Variants in SYN3 observed in about 807,000 individuals in gnomAD.
SYN3 encodes the protein synapsin III, also known as synapsin-3.
In SYN3, 35 loss-of-function variants were observed where a neutral mutation model predicts 65.8. The ratio of observed to expected loss-of-function variants is 0.53; its 90% CI spans 0.41 to 0.70. The LOEUF (loss-of-function observed/expected upper bound fraction) is 0.70, where lower values mean the gene tolerates loss of function less well. Among genes scored for constraint, SYN3 ranks in the 30% least tolerant of loss-of-function variants. SYN3 has a pLI of 0.00. For synonymous variants in SYN3, 270 were observed against 292.9 expected, an observed-to-expected ratio of 0.92 and a Z score of 0.80; for missense variants, 680 against 749.0, an observed-to-expected ratio of 0.91 and a Z score of 1.08.
chr22:32,852,398 G>A (rs563274044), intron 6 of SYN3, among the ~76,000 whole-genome samples: 2 of 152,280 alleles, frequency 1.3e-5, no homozygotes, highest in South Asian at 4.2e-4. Context: ...GCAGTGTAGG[G>A]CTGGACTTGT....
At position 32,634,645 on chromosome 22, in the gene SYN3, C is replaced by T. The variant is rs142208009; in HGVS notation, c.712-37909G>A. On this transcript the variant is annotated intron_variant, in intron 6 of 13. Transcript: ENST00000358763. ...TCCTTGTTTTTTGTTCACGCTGTTC[C>T]CCTTTTGTCCTCTTCCTCATCTAAC... 5.8e-3 allele frequency among the ~76,000 whole-genome samples: 877 copies of T among 152,288 alleles called. 5 individuals carry two copies. The highest frequency in any genetic ancestry group is 0.012 in the Admixed American group (184 of 15,302).
chr22:33,028,764 A>G (rs133972), intron 1 of SYN3, among the ~76,000 whole-genome samples: 102,172 of 151,086 alleles, frequency 0.68, 35,223 homozygotes, highest in African/African-American at 0.76. Flanking sequence ...CACTGTGGCC[A>G]GCACGGTGGC....
At chr22:32,779,833 A>G (rs2045990624) in intron 6 of SYN3, among the ~76,000 whole-genome samples, 1 of 152,162 alleles carries the variant, frequency 6.6e-6, no homozygotes, top group African/African-American at 2.4e-5. Context: ...TCAAGGGTCC[A>G]GGTTGGGCAA....
rs530981676 is a variant in SYN3 at position 32,598,027 on chromosome 22, T to C, written c.712-1291A>G. Among the ~76,000 whole-genome samples, 11 of 152,328 alleles carry C rather than the reference T, an allele frequency of 7.2e-5. No homozygotes were observed. In the East Asian group the frequency reaches 2.1e-3, roughly 29 times the overall value. ...TGATTTCTAGAAGAACATTTTGCATTGCGTGAGGGCAAAGGTTATCCCTCC... is the reference window on the plus strand; with the variant it reads ...TGATTTCTAGAAGAACATTTTGCATCGCGTGAGGGCAAAGGTTATCCCTCC... On this transcript the variant is annotated intron_variant, in intron 6 of 13. Coordinates refer to ENST00000358763, the MANE Select transcript of SYN3 (RefSeq NM_003490.4).
chr22:32,715,653 G>A (rs946359927), intron 6 of SYN3, among the ~76,000 whole-genome samples: 3 of 151,898 alleles, frequency 2.0e-5, no homozygotes, highest in Admixed American at 6.6e-5. Flanking sequence ...GGTGGCGGGC[G>A]CCTGTAATCC....
Position 32,541,614 on chromosome 22 carries a change from C to A in SYN3, c.874G>T (p.Asp292Tyr). Residue 292 changes from aspartate to tyrosine, a missense_variant, in exon 8 of 14, where the codon GAC becomes TAC. Coordinates refer to ENST00000358763, the MANE Select transcript of SYN3 (RefSeq NM_003490.4). ...GATCCAATTTTCTGGATGCGGATGTCGTACTTGGAGTCGATGAAGGCCTCG... is the reference window on the plus strand; with the variant it reads ...GATCCAATTTTCTGGATGCGGATGTAGTACTTGGAGTCGATGAAGGCCTCG... Reference protein sequence around the residue: ...TTEAFIDSKYDIRIQKIGSNY... With the variant: ...TTEAFIDSKYYIRIQKIGSNY... The A allele has an allele frequency of 6.2e-7, 1 of 1,614,022 alleles. No individual in the cohort carries two copies. Among genetic ancestry groups the A allele is most frequent in the Non-Finnish European group, 8.5e-7 (1 of 1,180,006 alleles).
In SYN3 at chr22:32,605,710, A is replaced by G. The variant is rs60458386; in HGVS notation, c.712-8974T>C. Reference sequence around the variant, plus strand: ...TGCATGGTGCCGCCTCTGGACAACTATGATCATCCAGTGCTTCCCCTGCAC... The same window carrying G: ...TGCATGGTGCCGCCTCTGGACAACTGTGATCATCCAGTGCTTCCCCTGCAC... On this transcript the variant is annotated intron_variant, in intron 6 of 13. Transcript: ENST00000358763. 4.4e-3 allele frequency among the ~76,000 whole-genome samples: 668 copies of G among 152,304 alleles called. 4 individuals are homozygous for G. The highest frequency in any genetic ancestry group is 0.015 in the African/African-American group (638 of 41,574).
intron 6 of SYN3, among the ~76,000 whole-genome samples, chr22:32,806,601 C>T (rs942831374): frequency 3.9e-5 from 6 of 152,136 alleles, no homozygotes; most frequent in Non-Finnish European, 8.8e-5. Context: ...GCTGTGTGTG[C>T]CTAGGCACAT....
intron 6 of SYN3, among the ~76,000 whole-genome samples, chr22:32,829,810 C>T (rs2047521958): frequency 1.3e-5 from 2 of 152,234 alleles, no homozygotes; most frequent in African/African-American, 4.8e-5. Flanking sequence ...GCGGGCTTCA[C>T]CATGCACTCT....
At chr22:32,542,474 T>G (rs553162802) in intron 7 of SYN3, among the ~76,000 whole-genome samples, 5 of 151,542 alleles carry the variant, frequency 3.3e-5, no homozygotes, top group Admixed American at 2.0e-4. Context: ...GTGTGTGTGG[T>G]GAGTTTGCTG....
At chr22:32,888,994 G>A (rs2049369166) in intron 4 of SYN3, among the ~76,000 whole-genome samples, 3 of 152,180 alleles carry the variant, frequency 2.0e-5, no homozygotes, top group Non-Finnish European at 2.9e-5. Context: ...TCTCATCACT[G>A]GGCCTCAAAG....
At chr22:32,578,491 C>A (rs765202309) in intron 7 of SYN3, among the ~76,000 whole-genome samples, 2 of 152,152 alleles carry the variant, frequency 1.3e-5, no homozygotes, top group Non-Finnish European at 2.9e-5. Context: ...CTCAAGCTAT[C>A]CACCTGCCTC....
chr22:32,573,241 T>C (rs1184197275), intron 7 of SYN3, among the ~76,000 whole-genome samples: 1 of 152,188 alleles, frequency 6.6e-6, no homozygotes, highest in African/African-American at 2.4e-5. Context: ...TTGATTGTCA[T>C]TTTGTTAAAA....
intron 3 of SYN3, among the ~76,000 whole-genome samples, chr22:32,938,254 C>T (rs113296528): frequency 0.017 from 2,583 of 152,172 alleles, 58 homozygotes; most frequent in African/African-American, 0.045. Flanking sequence ...CCAGGCTGGG[C>T]GCGGTGGCTC....
chr22:33,036,896 G>A (rs571791063), intron 1 of SYN3, among the ~76,000 whole-genome samples: 11 of 151,916 alleles, frequency 7.2e-5, no homozygotes, highest in Admixed American at 5.9e-4. Flanking sequence ...TCTCCATGTC[G>A]GTCAGGCTGG....
chr22:32,663,939 C>CA (rs2060254346), intron 6 of SYN3, among the ~76,000 whole-genome samples: 1 of 151,938 alleles, frequency 6.6e-6, no homozygotes, highest in Admixed American at 6.5e-5. Context: ...ATTCCCCCCC[C>CA]ACACTGCACA....
intron 7 of SYN3, among the ~76,000 whole-genome samples, chr22:32,591,273 T>G (rs529674486): frequency 7.9e-5 from 12 of 152,004 alleles, no homozygotes; most frequent in African/African-American, 2.7e-4. Context: ...AACTGAATAA[T>G]AAGGCAAACA....
intron 7 of SYN3, among the ~76,000 whole-genome samples, chr22:32,567,440 G>T (rs1175254060): frequency 6.7e-6 from 1 of 148,928 alleles, no homozygotes; most frequent in Non-Finnish European, 1.5e-5. Context: ...GGTGGAAATA[G>T]AACACAGAGC....
At chr22:32,737,889 T>C (rs1316761669) in intron 6 of SYN3, among the ~76,000 whole-genome samples, 1 of 152,150 alleles carries the variant, frequency 6.6e-6, no homozygotes, top group Admixed American at 6.5e-5. Flanking sequence ...TGCTCTGCTT[T>C]TCTGCCATGC....
Sources: gnomAD v4.1 joint callset for allele counts (sites outside exome capture counted in the v4.1 genomes callset) on GRCh38, gnomAD v4.1.1 for gene constraint, MANE v1.5 for transcripts, NCBI Gene and HGNC (gene_info 2026-07-23, HGNC 2026-07-21) for gene names.